KIRREL1: variants seen among roughly 807,000 people sequenced by gnomAD.
KIRREL1 encodes the protein kin of IRRE-like protein 1.
KIRREL1 carries 25 observed loss-of-function variants against 83.3 expected under a neutral mutation model. The observed-to-expected ratio is 0.30, with a 90% CI of 0.22 to 0.42. KIRREL1 has a LOEUF of 0.42. KIRREL1 is among the 10% of genes least tolerant of loss of function. The pLI is 1.00. For missense variants in KIRREL1, 812 were observed against 1,032.3 expected (o/e 0.79, Z 2.92); for synonymous variants, 388 against 410.4 (o/e 0.95, Z 0.66).
intron 3 of KIRREL1, among the ~76,000 whole-genome samples, chr1:158,084,108 C>T (rs555806402): frequency 2.6e-5 from 4 of 151,924 alleles, no homozygotes; most frequent in African/African-American, 7.3e-5. Context: ...CCAGCCTGGG[C>T]GACAGAGTGA....
chr1:158,086,941 A>G (rs1662035144), intron 5 of KIRREL1, among the ~76,000 whole-genome samples, 195 bp downstream of exon 5: 4 of 152,072 alleles, frequency 2.6e-5, no homozygotes, highest in Non-Finnish European at 5.9e-5. Context: ...TTGGCTGTGG[A>G]GTCAGGCAGT....
At chr1:158,017,628 G>T (rs1015657041) in intron 1 of KIRREL1, among the ~76,000 whole-genome samples, 11 of 151,948 alleles carry the variant, frequency 7.2e-5, no homozygotes, top group Admixed American at 4.6e-4. Context: ...GGAGGAGGAG[G>T]TTGCAGTGAG....
rs1662359221 is a variant in KIRREL1 at position 158,096,538 on chromosome 1, AC to A, written c.*1420del. The stretch of plus-strand genomic sequence containing the variant: ...TGTTAGGAGAGAGATGGGTGAGGGG[AC>A]CTGGAGAGGTAAGGGGCCTGGAAAT... On this transcript the variant is annotated 3_prime_UTR_variant, in exon 15 of 15. Transcript: ENST00000359209. The A allele has an allele frequency of 2.2e-6, 1 of 456,478 alleles. No individual in the cohort carries two copies. The highest frequency in any genetic ancestry group is 4.4e-6 in the Non-Finnish European group (1 of 226,862). 28.3% of individuals were successfully genotyped at this position (456,478 alleles called of 1,614,324 possible). A position where few individuals can be genotyped will look rare whatever the true frequency, so the allele number is the denominator to read the frequency against.
At chr1:158,041,448 T>G (rs1453206921) in intron 1 of KIRREL1, among the ~76,000 whole-genome samples, 1 of 152,088 alleles carries the variant, frequency 6.6e-6, no homozygotes. Context: ...AGATTTGAGA[T>G]AAGGATTAAG....
Position 158,095,217 on chromosome 1 carries a change from C to A in KIRREL1, c.*97C>A. On this transcript the variant is annotated 3_prime_UTR_variant, in exon 15 of 15. Coordinates refer to ENST00000359209, the MANE Select transcript of KIRREL1 (RefSeq NM_018240.7). ...GGGGCATTGCTCATTGCTCCCTTCT[C>A]GGACCAGCCTTCTTCCTCCCACCAT... 2.2e-6 allele frequency: 2 copies of A among 899,490 alleles called. No homozygotes were observed. Among genetic ancestry groups the A allele is most frequent in the East Asian group, 2.6e-5 (1 of 38,484 alleles). The allele number at this position is 899,490 out of a possible 1,614,324, so 55.7% of individuals were successfully genotyped here.
chr1:158,076,506 C>T (rs1488031297), intron 2 of KIRREL1, among the ~76,000 whole-genome samples: 2 of 152,230 alleles, frequency 1.3e-5, no homozygotes, highest in Non-Finnish European at 2.9e-5. Context: ...TCAAGGGAAA[C>T]CAAGAGACCT....
chr1:158,001,797 G>A (rs1659369010), intron 1 of KIRREL1, among the ~76,000 whole-genome samples: 1 of 152,146 alleles, frequency 6.6e-6, no homozygotes, highest in Admixed American at 6.5e-5. Flanking sequence ...GATCCAGAAC[G>A]GCAGAATGGG....
intron 1 of KIRREL1, among the ~76,000 whole-genome samples, chr1:158,027,368 C>T (rs144395770): frequency 2.0e-5 from 3 of 152,320 alleles, no homozygotes; most frequent in African/African-American, 7.2e-5. Flanking sequence ...TGGAAGATCT[C>T]GGAATCCTGT....
chr1:158,082,837 GTA>G (rs1388573389), intron 3 of KIRREL1, among the ~76,000 whole-genome samples: 2 of 152,062 alleles, frequency 1.3e-5, no homozygotes, highest in African/African-American at 4.8e-5. Context: ...ATGATGGTGT[GTA>G]CCTGTAGTTT....
chr1:158,058,692 C>T (rs1009229147), intron 1 of KIRREL1, among the ~76,000 whole-genome samples: 5 of 152,180 alleles, frequency 3.3e-5, no homozygotes, highest in South Asian at 2.1e-4. Context: ...GAGGGATTTT[C>T]AGTCCCTCGG....
chr1:158,040,059 C>T (rs1237916551), intron 1 of KIRREL1, among the ~76,000 whole-genome samples: 2 of 152,206 alleles, frequency 1.3e-5, no homozygotes, highest in African/African-American at 4.8e-5. Context: ...ACTGGGCCTC[C>T]CTTGCGTATT....
At chr1:158,016,046 C>G (rs552395000) in intron 1 of KIRREL1, among the ~76,000 whole-genome samples, 2 of 152,178 alleles carry the variant, frequency 1.3e-5, no homozygotes, top group Non-Finnish European at 2.9e-5. Context: ...CGGCTCAAGC[C>G]TGTAATCCCA....
chr1:158,005,847 C>T (rs553834088), intron 1 of KIRREL1, among the ~76,000 whole-genome samples: 44 of 152,186 alleles, frequency 2.9e-4, no homozygotes, highest in African/African-American at 8.2e-4. Flanking sequence ...CTTCTCTGCG[C>T]GCAGAACCCC....
chr1:158,094,640 C>A lies in KIRREL1; in HGVS notation c.1798-4C>A. Reference sequence around the variant, plus strand: ...CCTCCATCCTCTTCTCTCATTGCCCCCAGGACCCCACCAATGGCTACTACA... The same window carrying A: ...CCTCCATCCTCTTCTCTCATTGCCCACAGGACCCCACCAATGGCTACTACA... On this transcript the variant is annotated splice_polypyrimidine_tract_variant and splice_region_variant and intron_variant, in intron 14 of 14. Transcript: ENST00000359209. The surrounding 1 kb of genome is among the most constrained non-coding windows in gnomAD (Gnocchi z 4.6). 1 of 1,585,846 alleles carries A rather than the reference C, an allele frequency of 6.3e-7. No homozygotes were observed.
chr1:158,093,926 C>G (rs112486117), intron 13 of KIRREL1, among the ~76,000 whole-genome samples, 164 bp downstream of exon 13: 10 of 152,214 alleles, frequency 6.6e-5, no homozygotes, highest in African/African-American at 2.2e-4. Flanking sequence ...CTCACACACG[C>G]CCCAGGCTAG....
intron 1 of KIRREL1, among the ~76,000 whole-genome samples, chr1:158,037,280 G>A (rs1218515666): frequency 6.6e-6 from 1 of 152,134 alleles, no homozygotes; most frequent in Non-Finnish European, 1.5e-5. Flanking sequence ...GGATCACAAG[G>A]TCAGGACTTC....
At chr1:158,032,398 T>C (rs1469373619) in intron 1 of KIRREL1, among the ~76,000 whole-genome samples, 1 of 152,144 alleles carries the variant, frequency 6.6e-6, no homozygotes. Flanking sequence ...GGGCTGACTT[T>C]CCTCTAGCGT....
At chr1:158,009,067 G>C (rs1659599499) in intron 1 of KIRREL1, among the ~76,000 whole-genome samples, 1 of 152,178 alleles carries the variant, frequency 6.6e-6, no homozygotes, top group Non-Finnish European at 1.5e-5. Context: ...AGAGGCCCAA[G>C]AGACAGAAAC....
chr1:158,062,825 T>A (rs1306773885), intron 1 of KIRREL1, among the ~76,000 whole-genome samples: 1 of 152,266 alleles, frequency 6.6e-6, no homozygotes, highest in East Asian at 1.9e-4. Context: ...GCAGCTTAGA[T>A]GTGCCACAGC....
Sources: allele counts gnomAD v4.1 joint callset (sites outside exome capture counted in the v4.1 genomes callset), GRCh38; gene constraint gnomAD v4.1.1; non-coding constraint Gnocchi (gnomAD v3.1); transcripts MANE v1.5; gene names NCBI Gene and HGNC (gene_info 2026-07-23, HGNC 2026-07-21).